Variants in ALOX5 observed in about 807,000 individuals in gnomAD.
ALOX5 encodes polyunsaturated fatty acid 5-lipoxygenase.
A neutral mutation model predicts 87.9 loss-of-function variants in ALOX5; 64 were observed. That is an observed-to-expected ratio of 0.73 (90% CI 0.60 to 0.90). The LOEUF is 0.90. ALOX5 is among the 40% of genes least tolerant of loss of function. The pLI, the probability that ALOX5 is intolerant of heterozygous loss-of-function variation, is 0.00. For synonymous variants in ALOX5, 388 were observed against 355.1 expected, an observed-to-expected ratio of 1.09 and a Z score of -1.04; for missense variants, 822 against 907.5, an observed-to-expected ratio of 0.91 and a Z score of 1.21.
intron 3 of ALOX5, among the ~76,000 whole-genome samples, chr10:45,409,265 C>T (rs566014951): frequency 7.2e-5 from 11 of 152,334 alleles, no homozygotes; most frequent in African/African-American, 2.4e-4. Context: ...CAAAGTCACT[C>T]GGAGCCTGCT....
chr10:45,424,847 A>G (rs1441408698), intron 5 of ALOX5, 113 bp from the exon 6 acceptor site: 1 of 1,317,416 alleles, frequency 7.6e-7, no homozygotes, highest in Non-Finnish European at 1.1e-6. Context: ...TCCAGGGAGC[A>G]CTCGGGAGAG....
At chr10:45,386,208 G>A (rs1564412901) in intron 2 of ALOX5, among the ~76,000 whole-genome samples, 1 of 152,056 alleles carries the variant, frequency 6.6e-6, no homozygotes, top group Non-Finnish European at 1.5e-5. Context: ...GGCTGAGGCA[G>A]GAGAATGGCG....
intron 2 of ALOX5, among the ~76,000 whole-genome samples, chr10:45,391,165 G>A (rs1428947055): frequency 6.7e-6 from 1 of 149,668 alleles, no homozygotes; most frequent in South Asian, 2.1e-4. Context: ...CTGTACTGCT[G>A]CCATCTCGGC....
intron 2 of ALOX5, among the ~76,000 whole-genome samples, chr10:45,391,829 A>G (rs35990892): frequency 0.68 from 99,222 of 146,388 alleles, 33,733 homozygotes; most frequent in East Asian, 0.86. Flanking sequence ...CAGCCGCCCC[A>G]TCTGAGAAGT....
At chr10:45,420,293 A>G (rs1841455794) in intron 4 of ALOX5, among the ~76,000 whole-genome samples, 1 of 152,248 alleles carries the variant, frequency 6.6e-6, no homozygotes, top group Non-Finnish European at 1.5e-5. Flanking sequence ...TATCCCATCT[A>G]AAAATCAGAC....
At chr10:45,417,158 A>G (rs1841324735) in intron 4 of ALOX5, among the ~76,000 whole-genome samples, 1 of 152,038 alleles carries the variant, frequency 6.6e-6, no homozygotes, top group African/African-American at 2.4e-5. Context: ...GCTGGGTCAC[A>G]GTCCATTTTA....
chr10:45,404,744 C>T (rs1840819036), intron 3 of ALOX5, among the ~76,000 whole-genome samples: 1 of 152,226 alleles, frequency 6.6e-6, no homozygotes, highest in Middle Eastern at 3.2e-3. Context: ...AGCTTTCTCA[C>T]ACATCTCTCT....
chr10:45,424,808 G>A, intron 5 of ALOX5, 152 bp from the exon 6 acceptor site: 1 of 899,290 alleles, frequency 1.1e-6, no homozygotes, highest in Non-Finnish European at 1.7e-6. Flanking sequence ...CCAGTGATGG[G>A]CAGGGGGCAG....
intron 7 of ALOX5, among the ~76,000 whole-genome samples, chr10:45,433,612 A>T (rs1841977959): frequency 6.6e-6 from 1 of 152,218 alleles, no homozygotes; most frequent in African/African-American, 2.4e-5. Flanking sequence ...CAAAATCATT[A>T]ATCAATACAT....
intron 1 of ALOX5, among the ~76,000 whole-genome samples, chr10:45,376,980 T>C (rs1839638439): frequency 6.6e-6 from 1 of 152,216 alleles, no homozygotes; most frequent in Non-Finnish European, 1.5e-5. Context: ...TTTCTTTAAC[T>C]CTGTAAATTT....
intron 3 of ALOX5, among the ~76,000 whole-genome samples, chr10:45,407,348 C>A (rs1468224458): frequency 6.6e-6 from 1 of 151,932 alleles, no homozygotes; most frequent in Non-Finnish European, 1.5e-5. Flanking sequence ...GTCTCTTGGA[C>A]ATTTTAAAAT....
chr10:45,378,573 C>A (rs1483096133), intron 1 of ALOX5, among the ~76,000 whole-genome samples: 1 of 152,174 alleles, frequency 6.6e-6, no homozygotes, highest in Non-Finnish European at 1.5e-5. Flanking sequence ...GTGTACTTGG[C>A]CCAGAGAGGA....
chr10:45,435,703 A>C (rs1458094703), intron 7 of ALOX5, among the ~76,000 whole-genome samples: 4 of 152,192 alleles, frequency 2.6e-5, no homozygotes, highest in Non-Finnish European at 4.4e-5. Flanking sequence ...TAGGTTGATT[A>C]CATGATTTTG....
intron 3 of ALOX5, among the ~76,000 whole-genome samples, chr10:45,396,371 A>T (rs1463082823): frequency 1.3e-5 from 2 of 152,202 alleles, no homozygotes; most frequent in Non-Finnish European, 2.9e-5. Context: ...TACAGAAATT[A>T]AAATGAATAA....
chr10:45,407,561 C>T (rs577344728), intron 3 of ALOX5, among the ~76,000 whole-genome samples: 50 of 152,030 alleles, frequency 3.3e-4, no homozygotes, highest in Middle Eastern at 3.4e-3. Flanking sequence ...GGGAAAAGGG[C>T]GGGATATTGA....
At chr10:45,434,757 G>T (rs1564445650) in intron 7 of ALOX5, among the ~76,000 whole-genome samples, 1 of 152,216 alleles carries the variant, frequency 6.6e-6, no homozygotes, top group East Asian at 1.9e-4. Flanking sequence ...TGGGGGACAG[G>T]TGAGCAAAAC....
chr10:45,418,947 G>A (rs1841399318), intron 4 of ALOX5, among the ~76,000 whole-genome samples: 1 of 152,342 alleles, frequency 6.6e-6, no homozygotes, highest in South Asian at 2.1e-4. Flanking sequence ...TGGAAGAGGT[G>A]GGGGCGAGGG....
rs142246478 is a variant in ALOX5 at position 45,445,744 on chromosome 10, C to T, written c.*57C>T. Reference sequence around the variant, plus strand: ...GCTGCCCCAGCCAGATGGACTCCAGCCTGCCTGGCAGGCTGTCTGGCCAGG... The same window carrying T: ...GCTGCCCCAGCCAGATGGACTCCAGTCTGCCTGGCAGGCTGTCTGGCCAGG... On this transcript the variant is annotated 3_prime_UTR_variant, in exon 14 of 14. Transcript: ENST00000374391. 2.1e-3 allele frequency: 3,263 copies of T among 1,567,080 alleles called. 6 individuals carry two copies. The highest frequency in any genetic ancestry group is 3.0e-3 in the Middle Eastern group (14 of 4,636).
At chr10:45,433,159 C>T (rs958058161) in intron 7 of ALOX5, among the ~76,000 whole-genome samples, 1 of 152,238 alleles carries the variant, frequency 6.6e-6, no homozygotes, top group Admixed American at 6.5e-5. Context: ...TCCCAGACAC[C>T]AGCAAGGACG....
Sources: gnomAD v4.1 joint callset for allele counts (sites outside exome capture counted in the v4.1 genomes callset) on GRCh38, gnomAD v4.1.1 for gene constraint, MANE v1.5 for transcripts, NCBI Gene and HGNC (gene_info 2026-07-23, HGNC 2026-07-21) for gene names.